AAMDC: variants seen among roughly 807,000 people sequenced by gnomAD.
The protein encoded by AAMDC is adipogenesis associated Mth938 domain containing.
In AAMDC, 16 loss-of-function variants were observed where a neutral mutation model predicts 15.5. That is an observed-to-expected ratio of 1.03 (90% CI 0.70 to 1.57). The LOEUF (loss-of-function observed/expected upper bound fraction) is 1.57. Among genes scored for constraint, AAMDC ranks in the 40% most tolerant of loss-of-function variants. AAMDC has a pLI of 0.00. For missense variants in AAMDC, 141 were observed against 144.9 expected (o/e 0.97, Z 0.14); for synonymous variants, 51 against 51.6 (o/e 0.99, Z 0.05).
intron 2 of AAMDC, chr11:77,850,903 C>G (rs1370893003): frequency 1.3e-5 from 2 of 151,232 alleles, no homozygotes; most frequent in African/African-American, 2.4e-5. Flanking sequence ...TCCTCTATAA[C>G]TACAATTCTA....
intron 1 of AAMDC, among the ~76,000 whole-genome samples, chr11:77,834,280 T>C (rs1391280879): frequency 6.6e-6 from 1 of 152,126 alleles, no homozygotes; most frequent in East Asian, 1.9e-4. Context: ...CTAAACACTT[T>C]AGGTGGTTTT....
chr11:77,842,294 G>A (rs1373884300), intron 1 of AAMDC, among the ~76,000 whole-genome samples, 185 bp from the exon 2 acceptor site: 1 of 152,060 alleles, frequency 6.6e-6, no homozygotes, highest in Non-Finnish European at 1.5e-5. Context: ...TGGTTTCTAT[G>A]GTTGGATGAT....
At chr11:77,825,497 G>A (rs1381803072) in intron 1 of AAMDC, among the ~76,000 whole-genome samples, 2 of 152,134 alleles carry the variant, frequency 1.3e-5, no homozygotes, top group Non-Finnish European at 2.9e-5. Context: ...AAGCTATTAA[G>A]TGTCAACAGA....
intron 2 of AAMDC, among the ~76,000 whole-genome samples, chr11:77,847,021 A>G (rs1346221337): frequency 6.6e-6 from 1 of 152,198 alleles, no homozygotes; most frequent in Non-Finnish European, 1.5e-5. Context: ...TTTGAGCCCC[A>G]AACTGATGTA....
intron 5 of AAMDC, among the ~76,000 whole-genome samples, chr11:77,899,890 A>G (rs1457364938): frequency 1.3e-5 from 2 of 152,194 alleles, no homozygotes; most frequent in African/African-American, 4.8e-5. Context: ...AAGTATACAC[A>G]TGAAATGCTG....
rs577415216 is a variant in AAMDC, at chr11:77,868,087, G to A, written c.133-1635G>A. On this transcript the variant is annotated intron_variant, in intron 2 of 3. Transcript: ENST00000393427. The stretch of plus-strand genomic sequence containing the variant: ...TTTTTTTTTTTTGAGACAGAGTCTC[G>A]TTCTATCGCCCAGGCTGGAGTGCAG... 5.2e-5 allele frequency among the ~76,000 whole-genome samples: 7 copies of A among 134,802 alleles called. No individual in the cohort carries two copies. The South Asian group carries it at 6.8e-4, about 13-fold the overall frequency. The allele number at this position is 134,802 out of a possible 152,430, so 88.4% of individuals were successfully genotyped here.
chr11:77,855,637 C>A (rs592378), intron 2 of AAMDC, among the ~76,000 whole-genome samples: 2 of 147,850 alleles, frequency 1.4e-5, no homozygotes, highest in African/African-American at 4.9e-5. Context: ...CCTTTTTTTT[C>A]TTTTATGCCA....
In AAMDC at chr11:77,891,780, A is replaced by G. The variant is rs557543703; in HGVS notation, c.329-8791A>G. The G allele has an allele frequency of 1.9e-4, 311 of 1,612,012 alleles. 4 individuals carry two copies. The South Asian group carries it at 3.2e-3, about 16-fold the overall frequency. ...GTTTGGATGTCATGAGTCGGGGCATAAGGTCAAGGAGTTTGTCCACAAAGC... is the reference window on the plus strand; with the variant it reads ...GTTTGGATGTCATGAGTCGGGGCATGAGGTCAAGGAGTTTGTCCACAAAGC... On this transcript the variant is annotated intron_variant, in intron 5 of 5. Transcript: ENST00000304716.
intron 5 of AAMDC, among the ~76,000 whole-genome samples, chr11:77,877,473 A>G (rs1951630572): frequency 6.6e-6 from 1 of 152,126 alleles, no homozygotes; most frequent in African/African-American, 2.4e-5. Context: ...CTACTCAACC[A>G]CTGTTGAGGT....
At chr11:77,892,042 C>T (rs1236889564) in intron 5 of AAMDC, among the ~76,000 whole-genome samples, 1 of 152,166 alleles carries the variant, frequency 6.6e-6, no homozygotes, top group East Asian at 1.9e-4. Context: ...TTATTGATAA[C>T]CATTATGTGC....
chr11:77,861,209 T>C (rs1007678931), intron 2 of AAMDC, among the ~76,000 whole-genome samples: 9 of 152,134 alleles, frequency 5.9e-5, no homozygotes, highest in African/African-American at 2.2e-4. Context: ...TTCAGGTGTA[T>C]AATGGCCCCT....
chr11:77,841,688 C>G (rs1949939467), intron 1 of AAMDC, among the ~76,000 whole-genome samples: 1 of 152,120 alleles, frequency 6.6e-6, no homozygotes, highest in South Asian at 2.1e-4. Flanking sequence ...GATGCATATC[C>G]TTGCAGCCTC....
chr11:77,842,579 T>A lies in AAMDC; in HGVS notation c.83T>A (p.Val28Glu). 6.2e-7 allele frequency: 1 copy of A among 1,614,020 alleles called. No homozygotes were observed. Among genetic ancestry groups the A allele is most frequent in the South Asian group, 1.1e-5 (1 of 91,056 alleles). ...AATACAACCTATAAGGACTGCAAAG[T>A]ATGGCCAGGGGGTAGTCGGACTTGG... ...GSNTTYKDCK[V>E]WPGGSRTWDW... The change falls in exon 2 of 4, where the codon GTA becomes GAA. Residue 28 changes from valine (V) to glutamate (E), a missense_variant. Transcript: ENST00000393427.
At chr11:77,883,762 C>T in intron 5 of AAMDC, 1 of 1,525,888 alleles carries the variant, frequency 6.6e-7, no homozygotes, top group Non-Finnish European at 8.9e-7. Flanking sequence ...ACTTTAAAAA[C>T]CAAACGCTTA....
At chr11:77,866,721 C>T (rs1350531906) in intron 2 of AAMDC, 1 of 151,378 alleles carries the variant, frequency 6.6e-6, no homozygotes, top group East Asian at 1.9e-4. Context: ...GAGAGTGAGA[C>T]TCCATCTCGA....
At chr11:77,900,707 G>A (rs1284367268) in exon 6 of AAMDC, 8 of 675,344 alleles carry the variant, frequency 1.2e-5, no homozygotes, top group Non-Finnish European at 1.9e-5. Flanking sequence ...AAAACACTAT[G>A]GGACACCATC....
intron 2 of AAMDC, among the ~76,000 whole-genome samples, chr11:77,850,173 A>G (rs1299998664): frequency 6.6e-6 from 1 of 152,208 alleles, no homozygotes; most frequent in Non-Finnish European, 1.5e-5. Flanking sequence ...CATTAGTTTA[A>G]AAAAGGACAG....
chr11:77,884,020 T>C (rs1951893368), intron 5 of AAMDC: 5 of 1,527,094 alleles, frequency 3.3e-6, no homozygotes, highest in Middle Eastern at 1.7e-4. Context: ...GATGATGACA[T>C]CTGTTGTGAA....
At chr11:77,904,336 C>T (rs181005159), downstream of AAMDC, among the ~76,000 whole-genome samples, 642 of 152,260 alleles carry the variant, frequency 4.2e-3, 3 homozygotes, top group African/African-American at 0.015. Flanking sequence ...TAAATATTCT[C>T]GTAGCCACGG....
Sources: gnomAD v4.1 joint callset for allele counts (sites outside exome capture counted in the v4.1 genomes callset) on GRCh38, gnomAD v4.1.1 for gene constraint, MANE v1.5 for transcripts, NCBI Gene and HGNC (gene_info 2026-07-23, HGNC 2026-07-21) for gene names.